EYS: variants seen among roughly 807,000 people sequenced by gnomAD.
EYS encodes the protein EGF-like photoreceptor maintenance factor, also known as protein eyes shut homolog.
In EYS, 250 loss-of-function variants were observed where a neutral mutation model predicts 282.1. The ratio of observed to expected loss-of-function variants is 0.89; its 90% CI spans 0.80 to 0.98. EYS has a LOEUF of 0.98. EYS is among the 50% of genes least tolerant of loss of function. The pLI is 0.00. For synonymous variants in EYS, 1,355 were observed against 1,282.9 expected (o/e 1.06, Z -1.20); for missense variants, 4,016 against 3,709.0 (o/e 1.08, Z -2.15).
chr6:65,482,655 C>T (rs558572913), intron 5 of EYS, among the ~76,000 whole-genome samples: 2 of 152,290 alleles, frequency 1.3e-5, no homozygotes, highest in African/African-American at 4.8e-5. Flanking sequence ...TCTGTCTACC[C>T]TCTGATCTAA....
intron 13 of EYS, among the ~76,000 whole-genome samples, chr6:65,000,822 A>G (rs183428964): frequency 4.2e-4 from 64 of 152,324 alleles, no homozygotes; most frequent in Middle Eastern, 3.4e-3. Flanking sequence ...CAACCGTATA[A>G]TGGTGTTCAA....
intron 40 of EYS, among the ~76,000 whole-genome samples, chr6:63,776,620 A>G (rs893120466): frequency 1.9e-4 from 29 of 152,234 alleles, no homozygotes; most frequent in African/African-American, 7.0e-4. Context: ...GGAACTCAAT[A>G]AAATTTCTAT....
At chr6:64,476,386 G>A (rs2150496007) in intron 26 of EYS, among the ~76,000 whole-genome samples, 1 of 151,904 alleles carries the variant, frequency 6.6e-6, no homozygotes, top group Non-Finnish European at 1.5e-5. Context: ...TTTGAAGTAA[G>A]CTACCTGTTT....
chr6:65,457,635 T>C (rs1312976186), intron 5 of EYS, among the ~76,000 whole-genome samples: 1 of 152,162 alleles, frequency 6.6e-6, no homozygotes, highest in African/African-American at 2.4e-5. Flanking sequence ...TATTATTTGT[T>C]TTGTTATCCT....
intron 22 of EYS, among the ~76,000 whole-genome samples, chr6:64,682,638 T>C (rs955539142): frequency 2.0e-5 from 3 of 151,996 alleles, no homozygotes; most frequent in Non-Finnish European, 4.4e-5. Context: ...CTTCCAAGGG[T>C]AAGGAGTACT....
chr6:64,828,302 C>T (rs959970335), intron 19 of EYS, among the ~76,000 whole-genome samples: 17 of 151,658 alleles, frequency 1.1e-4, no homozygotes, highest in African/African-American at 1.5e-4. Flanking sequence ...ACTGGAATCC[C>T]TAAAGTAAAA....
chr6:63,976,188 G>A (rs1766828320), intron 35 of EYS, among the ~76,000 whole-genome samples: 1 of 152,022 alleles, frequency 6.6e-6, no homozygotes, highest in Admixed American at 6.6e-5. Context: ...GTGAGTGAGT[G>A]GTGACCAAAT....
rs140356584 is a variant in EYS at position 64,353,451 on chromosome 6, C to G, written c.6078+35239G>C. On this transcript the variant is annotated intron_variant, in intron 29 of 42. Coordinates refer to ENST00000503581, the MANE Select transcript of EYS (RefSeq NM_001142800.2). The stretch of plus-strand genomic sequence containing the variant: ...TTCTGTGCATACATGGCAATACAGT[C>G]AACTTAAAAGATCTTCCCATTACTT... Among the ~76,000 whole-genome samples the G allele has an allele frequency of 1.5e-4, 23 of 151,702 alleles. No individual in the cohort carries two copies. In the East Asian group the frequency reaches 4.5e-3, roughly 30 times the overall value.
chr6:65,266,937 T>C (rs989129370), intron 12 of EYS, among the ~76,000 whole-genome samples: 1 of 116,608 alleles, frequency 8.6e-6, no homozygotes, highest in Admixed American at 8.0e-5. Flanking sequence ...TACACAAACA[T>C]TGATATATAT....
intron 22 of EYS, among the ~76,000 whole-genome samples, chr6:64,778,135 A>C (rs1445491295): frequency 1.3e-5 from 2 of 152,122 alleles, no homozygotes; most frequent in Non-Finnish European, 2.9e-5. Context: ...CAGATGCCAG[A>C]AGAACTTGGA....
chr6:65,275,908 CA>C (rs1768032857), intron 12 of EYS, among the ~76,000 whole-genome samples: 1 of 152,088 alleles, frequency 6.6e-6, no homozygotes, highest in African/African-American at 2.4e-5. Context: ...CTGCTTCTGT[CA>C]AAACTACTAT....
intron 8 of EYS, 63 bp from the exon 9 acceptor site, chr6:65,353,680 TATAAC>T: frequency 2.1e-6 from 3 of 1,395,830 alleles, no homozygotes; most frequent in Non-Finnish European, 2.0e-6. Context: ...AATATATACA[TATAAC>T]ATAAACAGCT....
chr6:64,905,340 C>A (rs1238758382), intron 16 of EYS, among the ~76,000 whole-genome samples: 3 of 152,168 alleles, frequency 2.0e-5, no homozygotes, highest in African/African-American at 7.2e-5. Flanking sequence ...TAAGAAACTG[C>A]CCAAACAGAA....
chr6:65,677,346 G>C (rs1768656575), intron 1 of EYS, among the ~76,000 whole-genome samples: 1 of 151,688 alleles, frequency 6.6e-6, no homozygotes. Flanking sequence ...AAAACTGTTA[G>C]AACTAGTAAA....
At chr6:64,261,927 C>T (rs1767602350) in intron 30 of EYS, among the ~76,000 whole-genome samples, 2 of 151,640 alleles carry the variant, frequency 1.3e-5, no homozygotes, top group Admixed American at 6.6e-5. Context: ...GGCTAATTTT[C>T]ATATATTTTG....
At position 63,944,274 on chromosome 6, in the gene EYS, C is replaced by A. The variant is rs1421709310; in HGVS notation, c.7055+40109G>T. Reference sequence around the variant, plus strand: ...GCATCTAGCTCTTAGCCACATATGGCAAAAATGAGCTTTTTATGTGTTTTC... The same window carrying A: ...GCATCTAGCTCTTAGCCACATATGGAAAAAATGAGCTTTTTATGTGTTTTC... On this transcript the variant is annotated intron_variant, in intron 35 of 42. Coordinates refer to ENST00000503581, the MANE Select transcript of EYS (RefSeq NM_001142800.2). Among the ~76,000 whole-genome samples, 3 of 152,144 alleles carry A rather than the reference C, an allele frequency of 2.0e-5. No individual in the cohort carries two copies. The East Asian group carries it at 5.8e-4, about 29-fold the overall frequency.
chr6:65,255,012 A>T (rs1767422954), intron 12 of EYS, among the ~76,000 whole-genome samples: 1 of 151,956 alleles, frequency 6.6e-6, no homozygotes, highest in Admixed American at 6.6e-5. Context: ...TATTTTTCAC[A>T]GAAAGAGAAA....
intron 12 of EYS, among the ~76,000 whole-genome samples, chr6:65,167,219 T>C (rs1048021821): frequency 2.6e-5 from 4 of 151,320 alleles, no homozygotes; most frequent in African/African-American, 7.2e-5. Context: ...CACAAAAATA[T>C]GTACATGTAT....
chr6:64,246,912 A>G (rs1352955470), intron 30 of EYS, among the ~76,000 whole-genome samples: 9 of 152,120 alleles, frequency 5.9e-5, no homozygotes, highest in Admixed American at 2.0e-4. Context: ...AAATTATATA[A>G]AAACTTTATT....
Sources: allele counts gnomAD v4.1 joint callset (sites outside exome capture counted in the v4.1 genomes callset), GRCh38; gene constraint gnomAD v4.1.1; transcripts MANE v1.5; gene names NCBI Gene and HGNC (gene_info 2026-07-23, HGNC 2026-07-21).